Variants in EXD3 observed in about 807,000 individuals in gnomAD.
EXD3 encodes the protein exonuclease 3'-5' domain containing 3.
In EXD3, 92 loss-of-function variants were observed where a neutral mutation model predicts 98.0. That is an observed-to-expected ratio of 0.94 (90% confidence interval 0.79 to 1.12). The LOEUF (loss-of-function observed/expected upper bound fraction) is 1.12, where lower values mean the gene tolerates loss of function less well. Among genes scored for constraint, EXD3 ranks in the 50% most tolerant of loss-of-function variants. The probability of loss-of-function intolerance (pLI) is 0.00; values close to 1 mark genes in which losing one functional copy is unlikely to be tolerated. For missense variants in EXD3, 1,222 were observed against 1,191.6 expected (o/e 1.03, Z -0.38); for synonymous variants, 569 against 526.0 (o/e 1.08, Z -1.12).
chr9:137,355,498 A>ACCTAGAAACACTGC (rs1564508308), intron 8 of EXD3, among the ~76,000 whole-genome samples: 2 of 94,226 alleles, frequency 2.1e-5, no homozygotes, highest in Non-Finnish European at 2.2e-5. Flanking sequence ...AGGATGGAGG[A>ACCTAGAAACACTGC]AGGAGGAAGG....
At chr9:137,376,603 C>T (rs571895716) in intron 3 of EXD3, among the ~76,000 whole-genome samples, 1 of 152,106 alleles carries the variant, frequency 6.6e-6, no homozygotes, top group East Asian at 1.9e-4. Context: ...ACAGAGACCC[C>T]CCCACCTGCT....
At chr9:137,396,626 A>G (rs1837230020) in intron 1 of EXD3, among the ~76,000 whole-genome samples, 1 of 152,258 alleles carries the variant, frequency 6.6e-6, no homozygotes, top group East Asian at 1.9e-4. Flanking sequence ...GTCGGCCAAC[A>G]CGCACCCCTA....
chr9:137,383,970 T>C (rs1324369980), intron 2 of EXD3, among the ~76,000 whole-genome samples: 1 of 152,090 alleles, frequency 6.6e-6, no homozygotes, highest in Non-Finnish European at 1.5e-5. Flanking sequence ...AGGGGCTGCG[T>C]GGCTTGGCTT....
At chr9:137,326,182 A>G (rs1832394302) in intron 17 of EXD3, among the ~76,000 whole-genome samples, 1 of 152,178 alleles carries the variant, frequency 6.6e-6, no homozygotes, top group African/African-American at 2.4e-5. Context: ...CAAAGGCAGC[A>G]AAAGAAACAC....
intron 7 of EXD3, 57 bp from the exon 8 acceptor site, chr9:137,356,425 A>G: frequency 8.9e-7 from 1 of 1,124,734 alleles, no homozygotes; most frequent in Non-Finnish European, 1.3e-6. Context: ...ACATTTTAAG[A>G]TTTTCATTTT....
At chr9:137,330,214 C>G (rs930915124) in intron 17 of EXD3, among the ~76,000 whole-genome samples, 3 of 138,666 alleles carry the variant, frequency 2.2e-5, no homozygotes, top group Admixed American at 2.1e-4. Flanking sequence ...TACACAGGAG[C>G]TACACAGGAA....
chr9:137,332,941 A>T (rs1588281845), intron 17 of EXD3, among the ~76,000 whole-genome samples: 1 of 152,196 alleles, frequency 6.6e-6, no homozygotes, highest in East Asian at 1.9e-4. Flanking sequence ...TGAAGGATGC[A>T]AAGTATTGAT....
At chr9:137,368,780 C>T (rs1588364380) in intron 5 of EXD3, among the ~76,000 whole-genome samples, 1 of 148,326 alleles carries the variant, frequency 6.7e-6, no homozygotes, top group East Asian at 2.1e-4. Context: ...AGCGCTGACC[C>T]GGCGCCTCTA....
At position 137,364,856 on chromosome 9, in the gene EXD3, C is replaced by T. The variant is rs537189703; in HGVS notation, c.656+1637G>A. On this transcript the variant is annotated intron_variant, in intron 7 of 21. Coordinates refer to ENST00000340951, the MANE Select transcript of EXD3 (RefSeq NM_017820.5). Reference sequence around the variant, plus strand: ...CTATCTCGGCTCACTGCAAGCTCCGCCTCCTGGGTTCACGCTATTCTCCTG... The same window carrying T: ...CTATCTCGGCTCACTGCAAGCTCCGTCTCCTGGGTTCACGCTATTCTCCTG... Among the ~76,000 whole-genome samples, 3 of 151,062 alleles carry T rather than the reference C, an allele frequency of 2.0e-5. No individual in the cohort carries two copies. In the South Asian group the frequency reaches 6.3e-4, roughly 32 times the overall value.
At chr9:137,333,391 C>T (rs1043063281) in intron 17 of EXD3, among the ~76,000 whole-genome samples, 86 of 152,260 alleles carry the variant, frequency 5.6e-4, no homozygotes, top group African/African-American at 2.0e-3. Flanking sequence ...AACTTCCTTT[C>T]GTATGCACAT....
intron 1 of EXD3, among the ~76,000 whole-genome samples, chr9:137,413,031 C>G (rs1838071047): frequency 6.6e-6 from 1 of 152,202 alleles, no homozygotes; most frequent in Admixed American, 6.5e-5. Flanking sequence ...ATCCTCCTGC[C>G]TCAACCTCCC....
At chr9:137,397,845 A>G (rs973788616) in intron 1 of EXD3, among the ~76,000 whole-genome samples, 14 of 152,162 alleles carry the variant, frequency 9.2e-5, no homozygotes, top group Admixed American at 4.6e-4. Context: ...CAGCAAGCGG[A>G]GGCAGAAGAG....
chr9:137,366,178 A>AG, intron 7 of EXD3: 1 of 701,768 alleles, frequency 1.4e-6, no homozygotes, highest in African/African-American at 1.7e-5. Context: ...GAAAGAACAA[A>AG]GGAATGGATG....
chr9:137,329,094 A>AG (rs1383191997), intron 17 of EXD3, among the ~76,000 whole-genome samples: 1 of 13,344 alleles, frequency 7.5e-5, no homozygotes. Context: ...GCTACACGGG[A>AG]CTACACGGGG....
intron 1 of EXD3, among the ~76,000 whole-genome samples, chr9:137,406,284 G>A (rs1415167308): frequency 3.4e-5 from 5 of 145,204 alleles, no homozygotes; most frequent in South Asian, 2.2e-4. Flanking sequence ...AAAAGGCAAG[G>A]AAAAAGGAAA....
chr9:137,342,860 G>A (rs1306317749), intron 17 of EXD3, among the ~76,000 whole-genome samples: 1 of 152,178 alleles, frequency 6.6e-6, no homozygotes, highest in Non-Finnish European at 1.5e-5. Context: ...GGTGGCTCAT[G>A]CCTGTAATCC....
At position 137,355,748 on chromosome 9, in the gene EXD3, C is replaced by T. The variant is rs78624820; in HGVS notation, c.757+520G>A. On this transcript the variant is annotated intron_variant, in intron 8 of 21. Coordinates refer to ENST00000340951, the MANE Select transcript of EXD3 (RefSeq NM_017820.5). ...GAGGAAGGAGGACCTAGAAACACTG[C>T]AAAATCCAGATAAAATTCAAACTTC... 6.0e-4 allele frequency among the ~76,000 whole-genome samples: 62 copies of T among 104,186 alleles called. 2 individuals carry two copies. Among genetic ancestry groups the T allele is most frequent in the Non-Finnish European group, 9.4e-4 (45 of 48,120 alleles). 68.4% of individuals were successfully genotyped at this position (104,186 alleles called of 152,430 possible).
intron 1 of EXD3, among the ~76,000 whole-genome samples, chr9:137,417,846 G>A (rs1270417740): frequency 6.6e-6 from 1 of 152,148 alleles, no homozygotes; most frequent in Non-Finnish European, 1.5e-5. Context: ...AGGCCGGGCC[G>A]TCAGGCGGGG....
rs745995647 is a variant in EXD3, at chr9:137,306,954, A to G, written c.2627T>C (p.Phe876Ser). The change falls in exon 22 of 22, where the codon TTC becomes TCC. Residue 876 changes from phenylalanine (F) to serine (S), a missense_variant. Coordinates refer to ENST00000340951, the MANE Select transcript of EXD3 (RefSeq NM_017820.5). ...ATGTTTATTGTCTGGCTGTCCTCAG[A>G]AGGGACTGCTGGCCGGGCTGGGGGC... ...SPAPSPASSPF is the reference protein window; with the variant it reads ...SPAPSPASSPS 6.4e-7 allele frequency: 1 copy of G among 1,573,366 alleles called. No individual in the cohort carries two copies. Among genetic ancestry groups the G allele is most frequent in the Non-Finnish European group, 8.6e-7 (1 of 1,158,112 alleles).
Sources: allele counts gnomAD v4.1 joint callset (sites outside exome capture counted in the v4.1 genomes callset), GRCh38; gene constraint gnomAD v4.1.1; transcripts MANE v1.5; gene names NCBI Gene and HGNC (gene_info 2026-07-23, HGNC 2026-07-21).